Variants in C1orf21 observed in about 807,000 individuals in gnomAD.
C1orf21 encodes chromosome 1 open reading frame 21.
Under a neutral mutation model 18.7 loss-of-function variants are expected in C1orf21, and 3 were observed. The ratio of observed to expected loss-of-function variants is 0.16; its 90% CI spans 0.07 to 0.42. The LOEUF is 0.42. Among genes scored for constraint, C1orf21 ranks in the 10% least tolerant of loss-of-function variants. C1orf21 has a pLI of 0.99. For synonymous variants in C1orf21, 41 were observed against 46.4 expected (o/e 0.88, Z 0.47); for missense variants, 104 against 143.6 (o/e 0.72, Z 1.41).
chr1:184,555,924 T>G (rs560257942), intron 3 of C1orf21, among the ~76,000 whole-genome samples: 2 of 152,258 alleles, frequency 1.3e-5, no homozygotes, highest in African/African-American at 4.8e-5. Context: ...CCTGAGGAGA[T>G]CTCACTGTAG....
In C1orf21 at chr1:184,623,756, A is replaced by G. The variant is rs943294780; in HGVS notation, c.*4200A>G. ...TGTATTTTTCCAAGGGGGGAATAGT[A>G]TCCTTGACTTTGGCAGTCACCTTTT... On this transcript the variant is annotated 3_prime_UTR_variant, in exon 6 of 6. Transcript: ENST00000235307. The G allele has an allele frequency of 2.6e-5, 4 of 152,636 alleles. No homozygotes were observed. The highest frequency in any genetic ancestry group is 9.6e-5 in the African/African-American group (4 of 41,454). The allele number at this position is 152,636 out of a possible 1,614,324, so 9.5% of individuals were successfully genotyped here.
intron 3 of C1orf21, among the ~76,000 whole-genome samples, chr1:184,571,684 C>T (rs1659115442): frequency 6.6e-6 from 1 of 152,146 alleles, no homozygotes; most frequent in Admixed American, 6.5e-5. Flanking sequence ...CTTGCCCTGT[C>T]ATTAAAATTG....
chr1:184,563,530 G>A (rs1254416337), intron 3 of C1orf21, among the ~76,000 whole-genome samples: 1 of 152,124 alleles, frequency 6.6e-6, no homozygotes, highest in Admixed American at 6.5e-5. Flanking sequence ...ATAATTTCAG[G>A]CCGTCAGACT....
intron 3 of C1orf21, among the ~76,000 whole-genome samples, chr1:184,579,202 T>C (rs941891407): frequency 1.5e-4 from 14 of 94,158 alleles, no homozygotes; most frequent in African/African-American, 1.1e-3. Flanking sequence ...CATGCCTGGC[T>C]AATTTTTTTT....
At chr1:184,388,901 CCT>C (rs898503316) in intron 1 of C1orf21, among the ~76,000 whole-genome samples, 3 of 152,022 alleles carry the variant, frequency 2.0e-5, no homozygotes, top group African/African-American at 7.2e-5. Flanking sequence ...AGTTTTCCCC[CCT>C]TTTTCATATT....
chr1:184,472,331 G>A (rs551038103), intron 1 of C1orf21, among the ~76,000 whole-genome samples: 43 of 152,150 alleles, frequency 2.8e-4, no homozygotes, highest in African/African-American at 9.1e-4. Context: ...CTCTCTGTGT[G>A]CCCGTTGCAA....
intron 3 of C1orf21, among the ~76,000 whole-genome samples, chr1:184,558,357 A>G (rs1332579303): frequency 6.6e-6 from 1 of 152,246 alleles, no homozygotes; most frequent in African/African-American, 2.4e-5. Flanking sequence ...TAATGCTTTC[A>G]GAACATTTGA....
chr1:184,546,698 C>T lies in C1orf21; in HGVS notation c.189+39016C>T, dbSNP rs188307713. 1.2e-4 allele frequency among the ~76,000 whole-genome samples: 18 copies of T among 152,238 alleles called. No homozygotes were observed. The East Asian group carries it at 2.5e-3, about 21-fold the overall frequency. ...ATGATATGATATGCATGCCTTTGTG[C>T]ACATAAGAAAAAGCCATCCGCTCTC... On this transcript the variant is annotated intron_variant, in intron 3 of 5. Transcript: ENST00000235307.
At chr1:184,463,831 G>A (rs1657345688) in intron 1 of C1orf21, among the ~76,000 whole-genome samples, 1 of 152,258 alleles carries the variant, frequency 6.6e-6, no homozygotes, top group South Asian at 2.1e-4. Flanking sequence ...ACATGGATAG[G>A]TGAGGAATGG....
chr1:184,429,639 A>C (rs1292772530), intron 1 of C1orf21, among the ~76,000 whole-genome samples: 1 of 152,162 alleles, frequency 6.6e-6, no homozygotes, highest in African/African-American at 2.4e-5. Context: ...TCTAAGATTC[A>C]GTTGAAATGT....
intron 3 of C1orf21, among the ~76,000 whole-genome samples, chr1:184,507,892 C>T (rs75813265): frequency 1.2e-3 from 185 of 152,056 alleles, no homozygotes; most frequent in African/African-American, 4.4e-3. Flanking sequence ...GGGGAATGCT[C>T]CATAAAATAT....
chr1:184,567,021 G>GC, intron 3 of C1orf21: 1 of 516,846 alleles, frequency 1.9e-6, no homozygotes, highest in Admixed American at 2.0e-5. Context: ...CTGGGAACTT[G>GC]AAGAGACGGG....
chr1:184,460,006 C>T (rs1192057453), intron 1 of C1orf21, among the ~76,000 whole-genome samples: 1 of 152,208 alleles, frequency 6.6e-6, no homozygotes, highest in East Asian at 1.9e-4. Flanking sequence ...CTCTCCAGCT[C>T]TTGTTCTTCA....
intron 1 of C1orf21, among the ~76,000 whole-genome samples, chr1:184,397,541 G>A (rs959855552): frequency 3.9e-5 from 6 of 152,148 alleles, no homozygotes; most frequent in African/African-American, 1.2e-4. Context: ...AGCCAAGATC[G>A]CGCTACTGCA....
intron 3 of C1orf21, among the ~76,000 whole-genome samples, chr1:184,542,060 G>T (rs187754156): frequency 1.8e-4 from 28 of 152,264 alleles, no homozygotes; most frequent in African/African-American, 6.3e-4. Context: ...CTTCTATACC[G>T]GGTGCAGTCA....
chr1:184,448,002 C>CTA (rs1248781251), intron 1 of C1orf21, among the ~76,000 whole-genome samples: 4 of 152,172 alleles, frequency 2.6e-5, no homozygotes, highest in African/African-American at 9.7e-5. Flanking sequence ...TATATTCATT[C>CTA]TACCTAGAGC....
chr1:184,556,072 C>A (rs969056331), intron 3 of C1orf21, among the ~76,000 whole-genome samples: 1 of 152,058 alleles, frequency 6.6e-6, no homozygotes, highest in Non-Finnish European at 1.5e-5. Flanking sequence ...ACCACCCCCC[C>A]AACCCCAAAC....
intron 1 of C1orf21, among the ~76,000 whole-genome samples, chr1:184,394,139 A>G (rs1656012897): frequency 6.6e-6 from 1 of 152,220 alleles, no homozygotes; most frequent in African/African-American, 2.4e-5. Flanking sequence ...TTTTTAGAAA[A>G]CTACTTCAAA....
chr1:184,524,194 C>G (rs183608514), intron 3 of C1orf21, among the ~76,000 whole-genome samples: 15 of 152,126 alleles, frequency 9.9e-5, no homozygotes, highest in African/African-American at 3.6e-4. Context: ...TTATTCAGGA[C>G]CTGACAAAGA....
Sources: allele counts gnomAD v4.1 joint callset (sites outside exome capture counted in the v4.1 genomes callset), GRCh38; gene constraint gnomAD v4.1.1; transcripts MANE v1.5; gene names NCBI Gene and HGNC (gene_info 2026-07-23, HGNC 2026-07-21).